ANGEL1: variants seen among roughly 807,000 people sequenced by gnomAD.
ANGEL1 encodes RNA 2',3'-cyclic phosphatase ANGEL1.
In ANGEL1, 62 loss-of-function variants were observed where a neutral mutation model predicts 76.4. The observed-to-expected ratio is 0.81, with a 90% CI of 0.66 to 1.00. The LOEUF (loss-of-function observed/expected upper bound fraction) is 1.00, where lower values mean the gene tolerates loss of function less well. Among genes scored for constraint, ANGEL1 ranks in the 50% least tolerant of loss-of-function variants. ANGEL1 has a pLI of 0.00. For missense variants in ANGEL1, 737 were observed against 836.7 expected (o/e 0.88, Z 1.47); for synonymous variants, 340 against 331.7 (o/e 1.03, Z -0.27).
chr14:76,804,317 A>G, intron 5 of ANGEL1: 1 of 1,129,758 alleles, frequency 8.9e-7, no homozygotes, highest in Non-Finnish European at 1.1e-6. Context: ...AATATCCTGA[A>G]CCTATTACTG....
intron 7 of ANGEL1, among the ~76,000 whole-genome samples, chr14:76,794,397 C>T (rs1050924658): frequency 2.6e-5 from 4 of 152,110 alleles, no homozygotes; most frequent in African/African-American, 7.2e-5. Context: ...TTAGGCCAGG[C>T]GCAGTGGCTC....
At chr14:76,806,962 A>T (rs1894938085) in intron 4 of ANGEL1, 113 bp from the exon 5 acceptor site, 1 of 1,193,634 alleles carries the variant, frequency 8.4e-7, no homozygotes, top group Non-Finnish European at 1.2e-6. Context: ...CCTGCTACTC[A>T]GTAAAGGAGC....
At chr14:76,812,406 AC>A (rs1022108933) in intron 1 of ANGEL1, 1 of 1,092,310 alleles carries the variant, frequency 9.2e-7, no homozygotes, top group Non-Finnish European at 1.1e-6. Context: ...CCGAGCTACT[AC>A]CCCTTCCCGA....
At chr14:76,809,960 T>C (rs1190398567) in intron 1 of ANGEL1, 5 of 415,640 alleles carry the variant, frequency 1.2e-5, no homozygotes, top group East Asian at 5.3e-5. Context: ...ACACTCCTTT[T>C]ACATGACTTA....
chr14:76,809,019 C>G, intron 2 of ANGEL1, 40 bp downstream of exon 2: 1 of 1,564,342 alleles, frequency 6.4e-7, no homozygotes. Flanking sequence ...ACCTGAGACA[C>G]CCTGTTCCCT....
chr14:76,789,263 G>C lies in ANGEL1; in HGVS notation c.1978C>G (p.Leu660Val). The C allele has an allele frequency of 6.2e-7, 1 of 1,614,244 alleles. No homozygotes were observed. The highest frequency in any genetic ancestry group is 8.5e-7 in the Non-Finnish European group (1 of 1,180,036). Residue 660 changes from leucine to valine, a missense_variant, in exon 10 of 10, where the codon CTA becomes GTA. Leu to Val is a conservative substitution (Grantham distance 32). Coordinates refer to ENST00000251089, the MANE Select transcript of ANGEL1 (RefSeq NM_015305.4). ...GTGACTTCCATCCCGAAGCTGGCTA[G>C]CAGGCAGAGGTGGTCTGAAGAGCAG... ...PFCSSDHLCL[L>V]ASFGMEVTAP
At chr14:76,811,527 G>A (rs879408174) in intron 1 of ANGEL1, among the ~76,000 whole-genome samples, 4 of 10,798 alleles carry the variant, frequency 3.7e-4, no homozygotes, top group African/African-American at 1.4e-3. Flanking sequence ...GTGGGGGGGC[G>A]GGGGGGGCCC....
At chr14:76,811,523 G>GAT (rs1895083317) in intron 1 of ANGEL1, among the ~76,000 whole-genome samples, 1 of 30,560 alleles carries the variant, frequency 3.3e-5, no homozygotes, top group Non-Finnish European at 7.6e-5. Context: ...GTAGGTGGGG[G>GAT]GGCGGGGGGG....
chr14:76,807,449 G>A lies in ANGEL1; in HGVS notation c.930C>T (p.Pro310=), dbSNP rs369793196. ...CTGCATTACCCATCATTCGCAGAGA[G>A]GGTTCCAGCTGCTCCCAGTAATGAT... ...QEDHYWEQLE[P]SLRMMGFTCF... is the part of the protein sequence containing the mutation. Residue 310 remains proline, a synonymous_variant, in exon 4 of 10, where the codon CCC becomes CCT. Transcript: ENST00000251089. 5 of 1,612,952 alleles carry A rather than the reference G, an allele frequency of 3.1e-6. No homozygotes were observed. The highest frequency in any genetic ancestry group is 3.4e-6 in the Non-Finnish European group (4 of 1,179,526).
rs546885277 is a variant in ANGEL1 at position 76,806,715 on chromosome 14, G to T, written c.1081C>A (p.Arg361=). 4.3e-5 allele frequency: 70 copies of T among 1,613,828 alleles called. 1 individual carries two copies. The Admixed American group carries it at 1.2e-3, about 27-fold the overall frequency. Residue 361 remains arginine, a synonymous_variant, in exon 5 of 10, where the codon CGG becomes AGG. Coordinates refer to ENST00000251089, the MANE Select transcript of ANGEL1 (RefSeq NM_015305.4). ...AGCAACACTAAGCCCACATTATCCCGATTAAGTAGCTCCAAGCCAGGCCGG... is the reference window on the plus strand; with the variant it reads ...AGCAACACTAAGCCCACATTATCCCTATTAAGTAGCTCCAAGCCAGGCCGG... ...YFRPGLELLN[R]DNVGLVLLLQ... is the part of the protein sequence containing the mutation.
rs1377404159 is a variant in ANGEL1 at position 76,808,055 on chromosome 14, A to G, written c.743T>C (p.Met248Thr). 1 of 1,614,070 alleles carries G rather than the reference A, an allele frequency of 6.2e-7. No homozygotes were observed. The highest frequency in any genetic ancestry group is 2.2e-5 in the East Asian group (1 of 44,902). ...GTCCTGAGCCAGGATGTTATAAGAC[A>G]TCAGAGTGAACTGGAACTGAGGGCC... ...GDGPQFQFTL[M>T]SYNILAQDLM... Residue 248 changes from methionine to threonine, a missense_variant, in exon 3 of 10, where the codon ATG becomes ACG. Met to Thr is a moderately conservative substitution (Grantham distance 81). Coordinates refer to ENST00000251089, the MANE Select transcript of ANGEL1 (RefSeq NM_015305.4).
intron 1 of ANGEL1, among the ~76,000 whole-genome samples, chr14:76,811,357 T>TAAAG (rs1243346304): frequency 2.6e-5 from 4 of 152,248 alleles, no homozygotes; most frequent in Admixed American, 6.5e-5. Flanking sequence ...AGAGGTTCTT[T>TAAAG]GGTTCATATG....
At position 76,809,134 on chromosome 14, in the gene ANGEL1, G is replaced by A; in HGVS notation, c.574C>T (p.Gln192Ter). Residue 192 changes from glutamine to a stop codon, truncating the protein, a stop_gained, in exon 2 of 10, where the codon CAG becomes TAG. Coordinates refer to ENST00000251089, the MANE Select transcript of ANGEL1 (RefSeq NM_015305.4). LOFTEE classifies it high-confidence loss of function. ...AAGGGCCAGATGGAAGCCTCTTCCTGGGGCACAGGCTCAGGTGCTATGCTC... is the reference window on the plus strand; with the variant it reads ...AAGGGCCAGATGGAAGCCTCTTCCTAGGGCACAGGCTCAGGTGCTATGCTC... Reference protein sequence around the residue: ...AWSIAPEPVPQEEASIWPFEG... With the variant: ...AWSIAPEPVP 1 of 1,614,148 alleles carries A rather than the reference G, an allele frequency of 6.2e-7. No individual in the cohort carries two copies. The highest frequency in any genetic ancestry group is 1.1e-5 in the South Asian group (1 of 91,082).
intron 7 of ANGEL1, among the ~76,000 whole-genome samples, chr14:76,796,068 C>CT (rs1293330581): frequency 7.2e-5 from 11 of 151,866 alleles, no homozygotes; most frequent in Admixed American, 6.6e-4. Flanking sequence ...TAATATAACT[C>CT]TATGATTCTA....
intron 5 of ANGEL1, 30 bp from the exon 6 acceptor site, chr14:76,803,942 G>A (rs1237711221): frequency 6.2e-7 from 1 of 1,614,174 alleles, no homozygotes; most frequent in East Asian, 2.2e-5. Flanking sequence ...TGGGAATAAG[G>A]AAACCAAGAT....
intron 7 of ANGEL1, among the ~76,000 whole-genome samples, chr14:76,792,111 G>T (rs569085020): frequency 6.6e-6 from 1 of 152,088 alleles, no homozygotes; most frequent in Non-Finnish European, 1.5e-5. Context: ...ATAACTATAA[G>T]TGAATGCTAT....
rs1034348374 is a variant in ANGEL1, at chr14:76,807,645, G to C, written c.877-143C>G. Reference sequence around the variant, plus strand: ...GTCACCAACAGCAAGAACAGGCCCAGACTTAAGCTGAAGAGATTAGAGATG... The same window carrying C: ...GTCACCAACAGCAAGAACAGGCCCACACTTAAGCTGAAGAGATTAGAGATG... On this transcript the variant is annotated intron_variant, in intron 3 of 9. Transcript: ENST00000251089. 11 of 792,748 alleles carry C rather than the reference G, an allele frequency of 1.4e-5. No homozygotes were observed. The Admixed American group carries it at 1.6e-4, about 12-fold the overall frequency. The allele number at this position is 792,748 out of a possible 1,614,324, so 49.1% of individuals were successfully genotyped here.
At chr14:76,790,521 C>T (rs1237551912) in intron 9 of ANGEL1, 90 bp downstream of exon 9, 1 of 1,520,218 alleles carries the variant, frequency 6.6e-7, no homozygotes, top group Non-Finnish European at 8.8e-7. Flanking sequence ...TAAATCCCAG[C>T]AGCTGAAGAC....
chr14:76,807,299 C>T, intron 4 of ANGEL1, 134 bp downstream of exon 4: 1 of 808,650 alleles, frequency 1.2e-6, no homozygotes, highest in Non-Finnish European at 2.0e-6. Context: ...CTTTCTCAGG[C>T]ACACATGGAA....
Sources: allele counts gnomAD v4.1 joint callset (sites outside exome capture counted in the v4.1 genomes callset), GRCh38; gene constraint gnomAD v4.1.1; transcripts MANE v1.5; gene names NCBI Gene and HGNC (gene_info 2026-07-23, HGNC 2026-07-21).